CPNE5: variants seen among roughly 807,000 people sequenced by gnomAD.
CPNE5 encodes the protein copine-5.
CPNE5 carries 42 observed loss-of-function variants against 81.1 expected under a neutral mutation model. That is an observed-to-expected ratio of 0.52 (90% CI 0.40 to 0.67). The LOEUF is 0.67. Ranked by LOEUF, CPNE5 falls within the 30% of genes least tolerant of loss-of-function variation. The probability of loss-of-function intolerance (pLI) is 0.00; values close to 1 mark genes in which losing one functional copy is unlikely to be tolerated. For missense variants in CPNE5, 612 were observed against 815.5 expected, an observed-to-expected ratio of 0.75 and a Z score of 3.04; for synonymous variants, 313 against 321.5, an observed-to-expected ratio of 0.97 and a Z score of 0.28.
At chr6:36,790,160 G>T (rs932909366) in intron 8 of CPNE5, among the ~76,000 whole-genome samples, 1 of 152,018 alleles carries the variant, frequency 6.6e-6, no homozygotes, top group African/African-American at 2.4e-5. Flanking sequence ...ATAAAAGTGA[G>T]GAAAATTAAT....
At chr6:36,743,590 TGGGC>T in intron 20 of CPNE5, 95 bp downstream of exon 20, 3 of 1,180,016 alleles carry the variant, frequency 2.5e-6, no homozygotes, top group Non-Finnish European at 3.7e-6. Flanking sequence ...GCCTCCCTTC[TGGGC>T]CCTTCACCAG....
chr6:36,759,777 G>A (rs569100486), intron 12 of CPNE5, among the ~76,000 whole-genome samples: 41 of 152,026 alleles, frequency 2.7e-4, no homozygotes, highest in African/African-American at 8.4e-4. Context: ...CATATGAATC[G>A]AGCCCTGGAG....
At chr6:36,770,922 A>G (rs1160895866) in intron 10 of CPNE5, among the ~76,000 whole-genome samples, 3 of 152,146 alleles carry the variant, frequency 2.0e-5, no homozygotes, top group Non-Finnish European at 4.4e-5. Flanking sequence ...ATCTGTGAGT[A>G]AGAATCTGGC....
intron 1 of CPNE5, chr6:36,827,850 T>C: frequency 3.0e-6 from 2 of 674,696 alleles, no homozygotes; most frequent in Non-Finnish European, 3.6e-6. Context: ...CAAAGAGAAA[T>C]TTTTTTTAGC....
At chr6:36,786,437 T>G (rs1410254584) in intron 8 of CPNE5, among the ~76,000 whole-genome samples, 2 of 152,236 alleles carry the variant, frequency 1.3e-5, no homozygotes, top group Admixed American at 1.3e-4. Context: ...TCTTAATGAC[T>G]GACTTCCCAA....
intron 8 of CPNE5, among the ~76,000 whole-genome samples, chr6:36,786,290 G>C (rs61371321): frequency 3.9e-5 from 6 of 152,126 alleles, no homozygotes; most frequent in Non-Finnish European, 8.8e-5. Flanking sequence ...GAAACCTGGG[G>C]CGTCAGCGAA....
chr6:36,745,316 C>T lies in CPNE5; in HGVS notation c.1328+72G>A, dbSNP rs1267365303. 1.9e-6 allele frequency: 3 copies of T among 1,542,342 alleles called. No individual in the cohort carries two copies. In the East Asian group the frequency reaches 6.9e-5, roughly 35 times the overall value. On this transcript the variant is annotated intron_variant, in intron 17 of 20. Coordinates refer to ENST00000244751, the MANE Select transcript of CPNE5 (RefSeq NM_020939.2). ...GCGTGGGAAGAGAAACCCCCTCCCA[C>T]CACCCAGAGGCAGAGCTGGTGTGGA...
At chr6:36,793,706 C>T (rs2150511556) in intron 7 of CPNE5, among the ~76,000 whole-genome samples, 1 of 152,334 alleles carries the variant, frequency 6.6e-6, no homozygotes, top group South Asian at 2.1e-4. Context: ...CATCCATGCT[C>T]TCCCTGGGCT....
intron 11 of CPNE5, 35 bp downstream of exon 11, chr6:36,765,300 C>T (rs1766460088): frequency 6.2e-7 from 1 of 1,611,714 alleles, no homozygotes. Flanking sequence ...CCCATCCCCA[C>T]TCACCTTCTC....
At position 36,800,474 on chromosome 6, in the gene CPNE5, G is replaced by A. The variant is rs559824568; in HGVS notation, c.184-404C>T. On this transcript the variant is annotated intron_variant, in intron 3 of 20. Coordinates refer to ENST00000244751, the MANE Select transcript of CPNE5 (RefSeq NM_020939.2). ...AATTTTATTTCTCTGAGCCTCCACC[G>A]AACTTGCGCCCACTCCATGACCACC... Among the ~76,000 whole-genome samples, 6 of 152,144 alleles carry A rather than the reference G, an allele frequency of 3.9e-5. 1 individual carries two copies. The East Asian group carries it at 9.6e-4, about 24-fold the overall frequency.
At position 36,778,939 on chromosome 6, in the gene CPNE5, A is replaced by T; in HGVS notation, c.547T>A (p.Phe183Ile). The stretch of plus-strand genomic sequence containing the variant: ...TTCTTGTCCAGCTTGTTGGCACAGA[A>T]CTGCATGGTGGCGACATCCTGGTGG... ...SNCRDVATMQFCANKLDKKDF... is the reference protein window; with the variant it reads ...SNCRDVATMQICANKLDKKDF... The change falls in exon 9 of 21, where the codon TTC becomes ATC. Residue 183 changes from phenylalanine (F) to isoleucine (I), a missense_variant. Physicochemically the swap from Phe to Ile is conservative, Grantham distance 21. Coordinates refer to ENST00000244751, the MANE Select transcript of CPNE5 (RefSeq NM_020939.2). 1 of 1,597,778 alleles carries T rather than the reference A, an allele frequency of 6.3e-7. No individual in the cohort carries two copies. The highest frequency in any genetic ancestry group is 1.7e-5 in the Admixed American group (1 of 59,788).
intron 14 of CPNE5, among the ~76,000 whole-genome samples, chr6:36,748,597 G>T (rs529449188): frequency 2.0e-4 from 30 of 152,074 alleles, no homozygotes; most frequent in Admixed American, 1.8e-3. Flanking sequence ...GTGAGGTTGG[G>T]TCTCATTGGA....
intron 3 of CPNE5, among the ~76,000 whole-genome samples, chr6:36,817,111 A>C (rs188581687): frequency 3.7e-4 from 57 of 152,288 alleles, no homozygotes; most frequent in African/African-American, 1.3e-3. Context: ...GGATCATCTG[A>C]AGTCAGGAGT....
intron 9 of CPNE5, among the ~76,000 whole-genome samples, chr6:36,777,669 T>C (rs1162681076): frequency 1.3e-5 from 2 of 152,088 alleles, no homozygotes; most frequent in Admixed American, 6.5e-5. Context: ...TAATTTCCCT[T>C]GTTTTGTACG....
At chr6:36,782,151 C>A (rs1768083843) in intron 8 of CPNE5, among the ~76,000 whole-genome samples, 1 of 152,118 alleles carries the variant, frequency 6.6e-6, no homozygotes, top group African/African-American at 2.4e-5. Flanking sequence ...AAGCCAGGAT[C>A]CCCCCAGCCT....
At chr6:36,767,636 T>C (rs1231951048) in intron 10 of CPNE5, among the ~76,000 whole-genome samples, 2 of 151,730 alleles carry the variant, frequency 1.3e-5, no homozygotes, top group African/African-American at 4.8e-5. Context: ...GCCCCTCGGG[T>C]GACTAGATGG....
intron 1 of CPNE5, among the ~76,000 whole-genome samples, chr6:36,835,710 C>T (rs958005464): frequency 6.6e-6 from 1 of 151,938 alleles, no homozygotes; most frequent in Non-Finnish European, 1.5e-5. Flanking sequence ...GTAGGAGAAT[C>T]ACTTGAACCC....
intron 12 of CPNE5, among the ~76,000 whole-genome samples, chr6:36,761,187 T>C (rs954818157): frequency 1.3e-5 from 2 of 152,156 alleles, no homozygotes; most frequent in Admixed American, 6.5e-5. Context: ...CAGAGAATGG[T>C]GGCATCTGCT....
At chr6:36,755,911 A>C in intron 13 of CPNE5, 1 of 380,418 alleles carries the variant, frequency 2.6e-6, no homozygotes. Context: ...CAGGGCAACA[A>C]CCTGTGAAAA....
Sources: gnomAD v4.1 joint callset for allele counts (sites outside exome capture counted in the v4.1 genomes callset) on GRCh38, gnomAD v4.1.1 for gene constraint, MANE v1.5 for transcripts, NCBI Gene and HGNC (gene_info 2026-07-23, HGNC 2026-07-21) for gene names.